LRP8: variants seen among roughly 807,000 people sequenced by gnomAD.
LRP8 encodes the protein low-density lipoprotein receptor-related protein 8.
LRP8 carries 46 observed loss-of-function variants against 111.6 expected under a neutral mutation model. The observed-to-expected ratio is 0.41, with a 90% confidence interval of 0.33 to 0.53. The LOEUF (loss-of-function observed/expected upper bound fraction) is 0.53, where lower values mean the gene tolerates loss of function less well. Ranked by LOEUF, LRP8 falls within the 20% of genes least tolerant of loss-of-function variation. LRP8 has a pLI of 0.20. For missense variants in LRP8, 959 were observed against 1,297.4 expected (o/e 0.74, Z 4.01); for synonymous variants, 464 against 511.2 (o/e 0.91, Z 1.24).
intron 14 of LRP8, 89 bp from the exon 15 acceptor site, chr1:53,257,553 C>T (rs1646147513): frequency 2.1e-6 from 2 of 966,662 alleles, no homozygotes; most frequent in Non-Finnish European, 3.2e-6. Context: ...AACTTATCTT[C>T]ATGGCGTAGC....
chr1:53,242,858 T>TACATATACAC lies in LRP8; in HGVS notation c.*4159_*4160insGTGTATATGT, dbSNP rs1553172650. The TACATATACAC allele has an allele frequency of 1.4e-5, 2 of 140,572 alleles. No individual in the cohort carries two copies. The highest frequency in any genetic ancestry group is 2.7e-5 in the African/African-American group (1 of 37,526). 8.7% of individuals were successfully genotyped at this position (140,572 alleles called of 1,614,324 possible). ...TTAAATATATATATATATATATATA[T>TACATATACAC]ACACACACACACACGTGGCTTTTTA... On this transcript the variant is annotated 3_prime_UTR_variant, in exon 19 of 19. Coordinates refer to ENST00000306052, the MANE Select transcript of LRP8 (RefSeq NM_004631.5).
rs1193584138 is a variant in LRP8, at chr1:53,276,869, C to T, written c.706G>A (p.Asp236Asn). ...WVCDRQFDCE[D>N]RSDEAAELCG... ...AGCTCGGCTGCCTCGTCCGAGCGGT[C>T]CTCGCAGTCAAACTGGCGGTCGCAG... Residue 236 changes from aspartate to asparagine, a missense_variant, in exon 5 of 19, where the codon GAC becomes AAC. Physicochemically the swap from Asp to Asn is conservative, Grantham distance 23 (BLOSUM62 1). Coordinates refer to ENST00000306052, the MANE Select transcript of LRP8 (RefSeq NM_004631.5). 1 of 1,396,740 alleles carries T rather than the reference C, an allele frequency of 7.2e-7. No homozygotes were observed. Among genetic ancestry groups the T allele is most frequent in the South Asian group, 1.4e-5 (1 of 72,730 alleles). The allele number at this position is 1,396,740 out of a possible 1,614,324, so 86.5% of individuals were successfully genotyped here.
chr1:53,244,678 A>C lies in LRP8; in HGVS notation c.*2340T>G, dbSNP rs1278515015. The stretch of plus-strand genomic sequence containing the variant: ...ATCTCAGGCTGTATGTCCAGACCCC[A>C]TTCATCATTTTTTTCTGTGAATGCC... On this transcript the variant is annotated 3_prime_UTR_variant, in exon 19 of 19. Transcript: ENST00000306052. The C allele has an allele frequency of 6.6e-6, 1 of 152,184 alleles. No homozygotes were observed. Among genetic ancestry groups the C allele is most frequent in the African/African-American group, 2.4e-5 (1 of 41,448 alleles). 9.4% of individuals were successfully genotyped at this position (152,184 alleles called of 1,614,324 possible). A position where few individuals can be genotyped will look rare whatever the true frequency, so the allele number is the denominator to read the frequency against.
At chr1:53,296,760 G>C (rs1649799734) in intron 2 of LRP8, among the ~76,000 whole-genome samples, 1 of 152,218 alleles carries the variant, frequency 6.6e-6, no homozygotes, top group African/African-American at 2.4e-5. Context: ...CCGTGGCCCA[G>C]AGCAACCTGC....
intron 15 of LRP8, among the ~76,000 whole-genome samples, chr1:53,255,657 G>A (rs1421480106): frequency 6.6e-6 from 1 of 150,972 alleles, no homozygotes. Context: ...TTTTTCATAA[G>A]TAATTGAAAT....
chr1:53,287,007 G>T (rs1042618247), intron 3 of LRP8, among the ~76,000 whole-genome samples: 6 of 152,224 alleles, frequency 3.9e-5, no homozygotes, highest in African/African-American at 1.4e-4. Flanking sequence ...CTTGCCCGAG[G>T]TCTAACAGGT....
intron 2 of LRP8, among the ~76,000 whole-genome samples, chr1:53,300,690 A>G (rs2100494402): frequency 6.6e-6 from 1 of 152,280 alleles, no homozygotes; most frequent in South Asian, 2.1e-4. Flanking sequence ...GTCATAAAGC[A>G]GGGCTCAGGG....
intron 2 of LRP8, among the ~76,000 whole-genome samples, chr1:53,290,025 C>G (rs1375166983): frequency 2.0e-5 from 3 of 152,192 alleles, no homozygotes; most frequent in Non-Finnish European, 4.4e-5. Context: ...TGCCTTAGCT[C>G]CTTCAGCCAG....
intron 3 of LRP8, among the ~76,000 whole-genome samples, chr1:53,286,708 G>A (rs532051878): frequency 2.6e-5 from 4 of 152,314 alleles, no homozygotes; most frequent in Admixed American, 6.5e-5. Flanking sequence ...CAACATAATC[G>A]GGGAAAACAC....
chr1:53,264,077 C>A, intron 10 of LRP8, 92 bp downstream of exon 10: 1 of 1,275,042 alleles, frequency 7.8e-7, no homozygotes, highest in East Asian at 2.5e-5. Flanking sequence ...TGGCCCAGAG[C>A]TTTCTAGAAC....
At chr1:53,292,671 C>G (rs1406955344) in intron 2 of LRP8, among the ~76,000 whole-genome samples, 1 of 152,192 alleles carries the variant, frequency 6.6e-6, no homozygotes, top group Non-Finnish European at 1.5e-5. Flanking sequence ...TAGGTGCTTC[C>G]TCTGTGCCAG....
intron 4 of LRP8, 37 bp downstream of exon 4, chr1:53,280,550 T>C: frequency 6.2e-7 from 1 of 1,604,350 alleles, no homozygotes; most frequent in Non-Finnish European, 8.5e-7. Flanking sequence ...TGCCTGACCA[T>C]GCTTGGCAGA....
intron 2 of LRP8, among the ~76,000 whole-genome samples, chr1:53,319,464 C>T (rs1284190412): frequency 1.3e-5 from 2 of 152,152 alleles, no homozygotes; most frequent in Non-Finnish European, 1.5e-5. Context: ...GCCCTGGGCT[C>T]GCTGGGTGAC....
rs12116501 is a variant in LRP8 at position 53,255,051 on chromosome 1, T to A, written c.2503+66A>T. ...GGGCAGGCCAAGTTCTCTACCCTGC[T>A]AGCGCTCTTCCCTAGGCCTAAGCAG... is the stretch of plus-strand genomic sequence containing the variant. On this transcript the variant is annotated intron_variant, in intron 16 of 18. Transcript: ENST00000306052. 3 of 1,541,364 alleles carry A rather than the reference T, an allele frequency of 1.9e-6. No homozygotes were observed. The Admixed American group carries it at 5.0e-5, about 26-fold the overall frequency.
chr1:53,257,628 G>A (rs1305190663), intron 14 of LRP8, among the ~76,000 whole-genome samples, 164 bp from the exon 15 acceptor site: 6 of 152,186 alleles, frequency 3.9e-5, no homozygotes, highest in African/African-American at 1.4e-4. Flanking sequence ...TTCTTTAGCT[G>A]AATGCTAAGC....
intron 8 of LRP8, chr1:53,268,404 G>A (rs1409353356): frequency 6.6e-6 from 1 of 152,218 alleles, no homozygotes; most frequent in Non-Finnish European, 1.5e-5. Context: ...TCCAGTGCAT[G>A]TACATAATCT....
intron 10 of LRP8, among the ~76,000 whole-genome samples, chr1:53,263,871 C>T (rs1646443009): frequency 6.6e-6 from 1 of 152,148 alleles, no homozygotes; most frequent in South Asian, 2.1e-4. Context: ...TGCTCACCTA[C>T]AGCAGCCTGA....
chr1:53,304,329 G>A (rs565599901), intron 2 of LRP8, among the ~76,000 whole-genome samples: 1 of 152,200 alleles, frequency 6.6e-6, no homozygotes, highest in Non-Finnish European at 1.5e-5. Flanking sequence ...ATGCCAAAGT[G>A]GGGGAGGAAA....
Position 53,246,217 on chromosome 1 carries a change from C to G in LRP8, c.*801G>C, listed in dbSNP as rs1309730763. On this transcript the variant is annotated 3_prime_UTR_variant, in exon 19 of 19. Coordinates refer to ENST00000306052, the MANE Select transcript of LRP8 (RefSeq NM_004631.5). ...AATAGCCAGAGGTGAAAAGATTTGC[C>G]TTTTTTACTACATAATTGCACAAAC... is the stretch of plus-strand genomic sequence containing the variant. The G allele has an allele frequency of 2.6e-5, 4 of 152,110 alleles. No homozygotes were observed. Among genetic ancestry groups the G allele is most frequent in the African/African-American group, 9.7e-5 (4 of 41,402 alleles). 9.4% of individuals were successfully genotyped at this position (152,110 alleles called of 1,614,324 possible).
Sources: allele counts gnomAD v4.1 joint callset (sites outside exome capture counted in the v4.1 genomes callset), GRCh38; gene constraint gnomAD v4.1.1; transcripts MANE v1.5; gene names NCBI Gene and HGNC (gene_info 2026-07-23, HGNC 2026-07-21).